XRCC4: variants seen among roughly 807,000 people sequenced by gnomAD.
XRCC4 encodes the protein X-ray repair cross complementing 4, also known as DNA repair protein XRCC4.
A neutral mutation model predicts 39.1 loss-of-function variants in XRCC4; 28 were observed. That is an observed-to-expected ratio of 0.72 (90% CI 0.53 to 0.98). The LOEUF (loss-of-function observed/expected upper bound fraction) is 0.98, where lower values mean the gene tolerates loss of function less well. Ranked by LOEUF, XRCC4 falls within the 50% of genes least tolerant of loss-of-function variation. The pLI is 0.00. For synonymous variants in XRCC4, 123 were observed against 126.4 expected (o/e 0.97, Z 0.18); for missense variants, 350 against 376.4 (o/e 0.93, Z 0.58).
At chr5:83,107,109 A>G (rs1580227273) in intron 2 of XRCC4, among the ~76,000 whole-genome samples, 1 of 152,038 alleles carries the variant, frequency 6.6e-6, no homozygotes. Context: ...AGAAAATTTT[A>G]TAGTGCACTA....
At chr5:83,331,886 C>A (rs953215300) in intron 7 of XRCC4, among the ~76,000 whole-genome samples, 1 of 152,140 alleles carries the variant, frequency 6.6e-6, no homozygotes, top group East Asian at 1.9e-4. Context: ...GAGTTGATAT[C>A]TGAACATCTC....
At chr5:83,285,828 C>T (rs944392797) in intron 7 of XRCC4, among the ~76,000 whole-genome samples, 3 of 152,102 alleles carry the variant, frequency 2.0e-5, no homozygotes, top group African/African-American at 7.2e-5. Context: ...GGGCTTTGTT[C>T]AGCGGGGCGG....
chr5:83,192,890 A>G (rs1750776800), intron 3 of XRCC4, among the ~76,000 whole-genome samples: 1 of 152,190 alleles, frequency 6.6e-6, no homozygotes, highest in Non-Finnish European at 1.5e-5. Context: ...TTTTGAAGTG[A>G]CAGAACTGAT....
Position 83,203,678 on chromosome 5 carries a change from A to T in XRCC4, c.609A>T (p.Gln203His), listed in dbSNP as rs766287987. The T allele has an allele frequency of 6.2e-7, 1 of 1,609,058 alleles. No individual in the cohort carries two copies. Among genetic ancestry groups the T allele is most frequent in the Non-Finnish European group, 8.5e-7 (1 of 1,178,204 alleles). Reference sequence around the variant, plus strand: ...ATAATAAATTATTAAATGCAGCTCAAGAACGAGAAAAGGACATCAAACAAG... The same window carrying T: ...ATAATAAATTATTAAATGCAGCTCATGAACGAGAAAAGGACATCAAACAAG... ...SLHNKLLNAA[Q>H]EREKDIKQEG... The change falls in exon 5 of 8, where the codon CAA becomes CAT. Residue 203 changes from glutamine to histidine, a missense_variant. Transcript: ENST00000396027.
intron 3 of XRCC4, among the ~76,000 whole-genome samples, chr5:83,186,035 G>A (rs1245175707): frequency 6.6e-6 from 1 of 152,096 alleles, no homozygotes; most frequent in East Asian, 1.9e-4. Context: ...CTCTTACTAT[G>A]AGCATAGAGC....
At chr5:83,088,255 T>A (rs1007328397) in intron 1 of XRCC4, among the ~76,000 whole-genome samples, 2 of 152,174 alleles carry the variant, frequency 1.3e-5, no homozygotes, top group Non-Finnish European at 2.9e-5. Context: ...TATTTACTTA[T>A]TTTTTAAATA....
chr5:83,230,545 CTTTCT>C (rs1227313538), intron 6 of XRCC4, among the ~76,000 whole-genome samples: 2 of 151,884 alleles, frequency 1.3e-5, no homozygotes, highest in Non-Finnish European at 1.5e-5. Context: ...AACTGACAGT[CTTTCT>C]TTTATGCTTT....
At chr5:83,232,666 A>G (rs1256098693) in intron 6 of XRCC4, among the ~76,000 whole-genome samples, 1 of 152,092 alleles carries the variant, frequency 6.6e-6, no homozygotes, top group Non-Finnish European at 1.5e-5. Flanking sequence ...TCTCTCTTCC[A>G]AAAAAATATC....
chr5:83,197,052 A>G (rs1750981876), intron 4 of XRCC4, among the ~76,000 whole-genome samples: 1 of 151,608 alleles, frequency 6.6e-6, no homozygotes, highest in African/African-American at 2.4e-5. Flanking sequence ...TTCATGTATT[A>G]TATTAAGAAA....
At chr5:83,226,550 T>A (rs28360187) in intron 6 of XRCC4, among the ~76,000 whole-genome samples, 2,396 of 152,172 alleles carry the variant, frequency 0.016, 60 homozygotes, top group African/African-American at 0.054. Flanking sequence ...GTTGGTGAAT[T>A]TAAAGCCAAA....
intron 1 of XRCC4, among the ~76,000 whole-genome samples, chr5:83,085,122 A>C (rs1238119072): frequency 1.3e-5 from 2 of 152,216 alleles, no homozygotes; most frequent in Non-Finnish European, 2.9e-5. Flanking sequence ...CTTGTGTGAG[A>C]GAATGCTATT....
chr5:83,208,529 T>A (rs973053385), intron 6 of XRCC4, among the ~76,000 whole-genome samples: 13 of 152,164 alleles, frequency 8.5e-5, no homozygotes, highest in African/African-American at 3.1e-4. Context: ...TACATTTTTA[T>A]GAATACGCAA....
chr5:83,253,716 AAAT>A (rs1401726914), intron 6 of XRCC4, among the ~76,000 whole-genome samples: 1 of 152,188 alleles, frequency 6.6e-6, no homozygotes, highest in Non-Finnish European at 1.5e-5. Flanking sequence ...TGATTTATAA[AAAT>A]AATGAGATTT....
Position 83,135,058 on chromosome 5 carries a change from T to C in XRCC4, c.315+23855T>C, listed in dbSNP as rs528629257. ...ACCGCGAGGGTCCGCAGCTTCATTC[T>C]TGAAGTCCGCGAGACCAAGAACCCA... On this transcript the variant is annotated intron_variant, in intron 3 of 7. Coordinates refer to ENST00000396027, the MANE Select transcript of XRCC4 (RefSeq NM_003401.5). Among the ~76,000 whole-genome samples, 69 of 152,310 alleles carry C rather than the reference T, an allele frequency of 4.5e-4. 1 individual carries two copies. The highest frequency in any genetic ancestry group is 1.5e-3 in the Admixed American group (23 of 15,302).
intron 3 of XRCC4, among the ~76,000 whole-genome samples, chr5:83,156,306 TG>T (rs1748959817): frequency 1.3e-5 from 2 of 151,732 alleles, no homozygotes; most frequent in Admixed American, 6.6e-5. Context: ...TTTGCTTTTT[TG>T]TTGGTACCCT....
chr5:83,119,899 C>G (rs1746916104), intron 3 of XRCC4, among the ~76,000 whole-genome samples: 1 of 150,892 alleles, frequency 6.6e-6, no homozygotes, highest in African/African-American at 2.4e-5. Context: ...ATAACTTTAG[C>G]TGGGGAGTTT....
At chr5:83,161,349 C>T (rs1406301211) in intron 3 of XRCC4, among the ~76,000 whole-genome samples, 1 of 152,128 alleles carries the variant, frequency 6.6e-6, no homozygotes, top group Non-Finnish European at 1.5e-5. Flanking sequence ...CCAGGCTGTT[C>T]GTGAACTCCT....
At chr5:83,209,279 A>G (rs747193018) in intron 6 of XRCC4, among the ~76,000 whole-genome samples, 9 of 152,090 alleles carry the variant, frequency 5.9e-5, no homozygotes, top group Non-Finnish European at 1.2e-4. Context: ...CCTCAACAAA[A>G]TATGTAGTGA....
At chr5:83,304,689 T>C (rs991691040) in intron 7 of XRCC4, among the ~76,000 whole-genome samples, 2 of 151,546 alleles carry the variant, frequency 1.3e-5, no homozygotes, top group African/African-American at 4.8e-5. Flanking sequence ...ACCTTTGCTT[T>C]GCTTCTGTAA....
Sources: allele counts gnomAD v4.1 joint callset (sites outside exome capture counted in the v4.1 genomes callset), GRCh38; gene constraint gnomAD v4.1.1; transcripts MANE v1.5; gene names NCBI Gene and HGNC (gene_info 2026-07-23, HGNC 2026-07-21).